The following TMEM117 variants were observed in gnomAD, a reference collection of about 807,000 sequenced individuals.
TMEM117 encodes the protein transmembrane protein 117.
TMEM117 carries 27 observed loss-of-function variants against 52.4 expected under a neutral mutation model. That is an observed-to-expected ratio of 0.51 (90% CI 0.38 to 0.71). TMEM117 has a LOEUF of 0.71. TMEM117 is among the 30% of genes least tolerant of loss of function. TMEM117 has a pLI of 0.00. For missense variants in TMEM117, 556 were observed against 630.5 expected, an observed-to-expected ratio of 0.88 and a Z score of 1.26; for synonymous variants, 215 against 206.3, an observed-to-expected ratio of 1.04 and a Z score of -0.36.
chr12:44,106,098 A>C (rs1947948903), intron 3 of TMEM117, among the ~76,000 whole-genome samples: 1 of 151,914 alleles, frequency 6.6e-6, no homozygotes, highest in Non-Finnish European at 1.5e-5. Context: ...GTTTCTTCTA[A>C]GTTGCAATTT....
intron 6 of TMEM117, among the ~76,000 whole-genome samples, chr12:44,327,497 T>G (rs1951211976): frequency 6.6e-6 from 1 of 152,226 alleles, no homozygotes; most frequent in Non-Finnish European, 1.5e-5. Context: ...CACACTCATT[T>G]TTACTTGCTC....
intron 6 of TMEM117, among the ~76,000 whole-genome samples, chr12:44,311,823 GTATATA>G (rs745551104): frequency 1.8e-4 from 15 of 85,384 alleles, no homozygotes; most frequent in South Asian, 7.0e-4. Context: ...GTATATATAT[GTATATA>G]TGTATATATG....
chr12:44,107,042 A>G (rs1019009439), intron 3 of TMEM117, among the ~76,000 whole-genome samples: 3 of 152,106 alleles, frequency 2.0e-5, no homozygotes, highest in African/African-American at 7.2e-5. Flanking sequence ...AAAGTTGATG[A>G]TGGTATAATT....
intron 2 of TMEM117, among the ~76,000 whole-genome samples, chr12:43,868,253 A>T (rs1407398826): frequency 6.7e-6 from 1 of 149,728 alleles, no homozygotes; most frequent in Non-Finnish European, 1.5e-5. Context: ...TAAAAAACAC[A>T]CTTCAGGCTA....
At chr12:44,289,550 C>CTTT (rs60675070) in intron 5 of TMEM117, among the ~76,000 whole-genome samples, 44 of 121,942 alleles carry the variant, frequency 3.6e-4, no homozygotes, top group African/African-American at 8.8e-4. Flanking sequence ...TTTCTTTTCT[C>CTTT]TTTTTTTTTT....
chr12:43,972,334 G>A (rs192564168), intron 3 of TMEM117, among the ~76,000 whole-genome samples: 21 of 152,334 alleles, frequency 1.4e-4, no homozygotes, highest in Admixed American at 1.3e-3. Flanking sequence ...CTTCCGGTGG[G>A]TTCTTCATCT....
intron 3 of TMEM117, among the ~76,000 whole-genome samples, chr12:44,075,563 G>GATA: frequency 6.6e-6 from 1 of 152,240 alleles, no homozygotes. Context: ...GTAAAACAGG[G>GATA]ATAGTAATAT....
At position 44,320,576 on chromosome 12, in the gene TMEM117, T is replaced by C. The variant is rs1951116907; in HGVS notation, c.768+20837T>C. Among the ~76,000 whole-genome samples the C allele has an allele frequency of 2.0e-5, 3 of 152,190 alleles. No homozygotes were observed. In the South Asian group the frequency reaches 6.2e-4, roughly 32 times the overall value. ...TTTTACACTCTATTAAATTTTGAAATACTTGTTGATTACCGAATTCTGCCT... is the reference window on the plus strand; with the variant it reads ...TTTTACACTCTATTAAATTTTGAAACACTTGTTGATTACCGAATTCTGCCT... On this transcript the variant is annotated intron_variant, in intron 6 of 7. Coordinates refer to ENST00000266534, the MANE Select transcript of TMEM117 (RefSeq NM_032256.3).
chr12:44,288,803 ACAAT>A (rs1336281753), intron 5 of TMEM117, among the ~76,000 whole-genome samples: 1 of 152,314 alleles, frequency 6.6e-6, no homozygotes, highest in South Asian at 2.1e-4. Flanking sequence ...ATGTATCAAC[ACAAT>A]CAAATTAATG....
chr12:43,974,527 G>T (rs1303430349), intron 3 of TMEM117, among the ~76,000 whole-genome samples: 1 of 152,082 alleles, frequency 6.6e-6, no homozygotes, highest in African/African-American at 2.4e-5. Context: ...CTGAATGATT[G>T]ATTAAATAAA....
rs1341603337 is a variant in TMEM117 at position 44,070,224 on chromosome 12, CTCCACATGTTGGCTG to C, written c.411-73293_411-73279del. 2.0e-5 allele frequency among the ~76,000 whole-genome samples: 3 copies of C among 152,274 alleles called. No individual in the cohort carries two copies. In the East Asian group the frequency reaches 5.8e-4, roughly 29 times the overall value. ...CCTTTTATCTTTTTTCTCCACCATCCTCCACATGTTGGCTGTCCACATTGTACTTTTTGTTTCATG... is the reference window on the plus strand; with the variant it reads ...CCTTTTATCTTTTTTCTCCACCATCCTCCACATTGTACTTTTTGTTTCATG... On this transcript the variant is annotated intron_variant, in intron 3 of 7. Transcript: ENST00000266534.
At chr12:44,171,582 A>G (rs1402158204) in intron 4 of TMEM117, among the ~76,000 whole-genome samples, 3 of 152,142 alleles carry the variant, frequency 2.0e-5, no homozygotes, top group African/African-American at 7.2e-5. Context: ...ATTGAGCCAA[A>G]TGTATTCCTG....
intron 4 of TMEM117, among the ~76,000 whole-genome samples, chr12:44,165,859 CT>C (rs1164589793): frequency 6.6e-6 from 1 of 152,196 alleles, no homozygotes; most frequent in Non-Finnish European, 1.5e-5. Flanking sequence ...TTAAACTGCA[CT>C]TTAGACCAAA....
At chr12:44,371,128 A>G (rs1394474578) in intron 6 of TMEM117, among the ~76,000 whole-genome samples, 4 of 152,176 alleles carry the variant, frequency 2.6e-5, no homozygotes, top group African/African-American at 9.6e-5. Flanking sequence ...CCTGAGTACA[A>G]TTCTTCAGGC....
At position 44,049,913 on chromosome 12, in the gene TMEM117, T is replaced by A. The variant is rs183740682; in HGVS notation, c.411-93612T>A. Among the ~76,000 whole-genome samples the A allele has an allele frequency of 2.0e-5, 3 of 152,352 alleles. No individual in the cohort carries two copies. The East Asian group carries it at 5.8e-4, about 29-fold the overall frequency. On this transcript the variant is annotated intron_variant, in intron 3 of 7. Transcript: ENST00000266534. Reference sequence around the variant, plus strand: ...CAGCTTTCCCAGAGCAAATAATGATTGATACTTAGTGAGTAATAAAGTTTT... The same window carrying A: ...CAGCTTTCCCAGAGCAAATAATGATAGATACTTAGTGAGTAATAAAGTTTT...
intron 5 of TMEM117, among the ~76,000 whole-genome samples, chr12:44,294,584 A>G (rs1950744810): frequency 6.6e-6 from 1 of 152,188 alleles, no homozygotes; most frequent in South Asian, 2.1e-4. Context: ...TACTAAGTCA[A>G]GAGCTTTCAC....
At chr12:44,386,735 G>A (rs915652228) in intron 7 of TMEM117, among the ~76,000 whole-genome samples, 2 of 152,028 alleles carry the variant, frequency 1.3e-5, no homozygotes, top group Non-Finnish European at 2.9e-5. Context: ...GCTTTGGAGT[G>A]TTTAACAACT....
chr12:44,052,229 G>A (rs989225661), intron 3 of TMEM117, among the ~76,000 whole-genome samples: 19 of 151,952 alleles, frequency 1.3e-4, no homozygotes, highest in African/African-American at 3.9e-4. Context: ...GGGCTTGTTC[G>A]CCCTTTCCCA....
intron 3 of TMEM117, among the ~76,000 whole-genome samples, chr12:43,991,119 T>C (rs1249901258): frequency 4.6e-5 from 7 of 152,238 alleles, no homozygotes. Flanking sequence ...GAGAATATGG[T>C]GACTGCAAGT....
Sources: gnomAD v4.1 joint callset for allele counts (sites outside exome capture counted in the v4.1 genomes callset) on GRCh38, gnomAD v4.1.1 for gene constraint, MANE v1.5 for transcripts, NCBI Gene and HGNC (gene_info 2026-07-23, HGNC 2026-07-21) for gene names.